The following KCNMA1 variants were observed in gnomAD, a reference collection of about 807,000 sequenced individuals.
KCNMA1 encodes the protein Calcium-activated potassium channel subunit alpha-1.
A neutral mutation model predicts 140.0 loss-of-function variants in KCNMA1; 29 were observed. The ratio of observed to expected loss-of-function variants is 0.21; its 90% CI spans 0.15 to 0.28. The LOEUF (loss-of-function observed/expected upper bound fraction) is 0.28. Ranked by LOEUF, KCNMA1 falls within the 10% of genes least tolerant of loss-of-function variation. The probability of loss-of-function intolerance (pLI) is 1.00; values close to 1 mark genes in which losing one functional copy is unlikely to be tolerated. For missense variants in KCNMA1, 880 were observed against 1,602.2 expected, an observed-to-expected ratio of 0.55 and a Z score of 7.70; for synonymous variants, 612 against 611.9, an observed-to-expected ratio of 1.00 and a Z score of 0.00.
At chr10:77,636,028 G>A in intron 1 of KCNMA1, 1 of 244,768 alleles carries the variant, frequency 4.1e-6, no homozygotes, top group Non-Finnish European at 7.4e-6. Context: ...CCCTGTAGAA[G>A]TTTGAGGGGT....
At chr10:76,947,895 G>T (rs2064716627) in intron 22 of KCNMA1, among the ~76,000 whole-genome samples, 1 of 152,178 alleles carries the variant, frequency 6.6e-6, no homozygotes, top group Non-Finnish European at 1.5e-5. Context: ...CCCCATTTCT[G>T]AGGTTTTGGA....
At chr10:77,631,971 A>C (rs1360229578) in intron 1 of KCNMA1, among the ~76,000 whole-genome samples, 1 of 152,222 alleles carries the variant, frequency 6.6e-6, no homozygotes, top group Non-Finnish European at 1.5e-5. Flanking sequence ...GCTGTGCTCT[A>C]TCACAGACCT....
chr10:76,909,468 A>G (rs2049181637), intron 25 of KCNMA1, among the ~76,000 whole-genome samples: 1 of 152,098 alleles, frequency 6.6e-6, no homozygotes, highest in Admixed American at 6.5e-5. Context: ...GTCCAAAACC[A>G]TGAAAATGTG....
chr10:77,517,051 A>T (rs1261343917), intron 1 of KCNMA1, among the ~76,000 whole-genome samples: 1 of 151,690 alleles, frequency 6.6e-6, no homozygotes, highest in African/African-American at 2.4e-5. Context: ...ATGTGCATGC[A>T]TGTGAACATG....
At chr10:77,469,250 C>T (rs140395019) in intron 1 of KCNMA1, among the ~76,000 whole-genome samples, 117 of 152,264 alleles carry the variant, frequency 7.7e-4, no homozygotes, top group African/African-American at 1.1e-3. Flanking sequence ...GAGATCCACA[C>T]GCCATCCAAG....
intron 1 of KCNMA1, among the ~76,000 whole-genome samples, chr10:77,616,754 C>A (rs999690377): frequency 6.6e-6 from 1 of 150,626 alleles, no homozygotes; most frequent in Non-Finnish European, 1.5e-5. Flanking sequence ...TGCAGTGAGC[C>A]GAGACTGCAC....
downstream of KCNMA1, among the ~76,000 whole-genome samples, chr10:76,881,850 G>C (rs1400457030): frequency 6.6e-6 from 1 of 152,130 alleles, no homozygotes; most frequent in East Asian, 1.9e-4. Flanking sequence ...GAAGGTAAAG[G>C]AGAGGAAGAG....
intron 1 of KCNMA1, among the ~76,000 whole-genome samples, chr10:77,590,644 G>A (rs2078836854): frequency 6.6e-6 from 1 of 152,278 alleles, no homozygotes. Flanking sequence ...CCACAGTGCA[G>A]CAGCGGTCTG....
At chr10:77,365,311 G>C (rs914878822) in intron 2 of KCNMA1, among the ~76,000 whole-genome samples, 1 of 152,170 alleles carries the variant, frequency 6.6e-6, no homozygotes, top group Non-Finnish European at 1.5e-5. Flanking sequence ...GGCAATTCAT[G>C]TGCATCCTCC....
chr10:77,196,303 G>C (rs1370790398), intron 3 of KCNMA1, among the ~76,000 whole-genome samples: 1 of 152,096 alleles, frequency 6.6e-6, no homozygotes, highest in Non-Finnish European at 1.5e-5. Context: ...GTGTTTTTCT[G>C]GGAAAGAGGA....
chr10:77,410,163 T>C (rs1369903075), intron 1 of KCNMA1, among the ~76,000 whole-genome samples: 1 of 152,156 alleles, frequency 6.6e-6, no homozygotes, highest in African/African-American at 2.4e-5. Context: ...GGTCCCCCGT[T>C]GTCACCCTGC....
intron 3 of KCNMA1, among the ~76,000 whole-genome samples, chr10:77,201,136 A>T (rs1004903136): frequency 3.9e-5 from 6 of 152,136 alleles, no homozygotes; most frequent in African/African-American, 1.4e-4. Context: ...GACAAGAGGA[A>T]AGATGCCATT....
At chr10:77,019,236 G>C (rs529270648) in intron 16 of KCNMA1, 137 bp from the exon 17 acceptor site, 2 of 675,582 alleles carry the variant, frequency 3.0e-6, no homozygotes, top group African/African-American at 3.6e-5. Context: ...ATTTTGTCCA[G>C]AGTCCAATGT....
At chr10:77,292,358 G>T (rs946632677) in intron 2 of KCNMA1, among the ~76,000 whole-genome samples, 1 of 152,222 alleles carries the variant, frequency 6.6e-6, no homozygotes, top group African/African-American at 2.4e-5. Context: ...CCTAGTATGT[G>T]TCAAGACAGC....
chr10:77,325,012 T>TGC (rs3068790), intron 2 of KCNMA1, among the ~76,000 whole-genome samples: 1 of 142,516 alleles, frequency 7.0e-6, no homozygotes, highest in African/African-American at 2.6e-5. Context: ...TGTGTGTGTG[T>TGC]CAGAGAAAGA....
intron 2 of KCNMA1, among the ~76,000 whole-genome samples, chr10:77,316,561 AG>A (rs2154350250): frequency 6.6e-6 from 1 of 152,276 alleles, no homozygotes; most frequent in South Asian, 2.1e-4. Flanking sequence ...TGCACCTCTA[AG>A]ATCCAGGTAA....
chr10:77,172,988 C>T (rs1183645917), intron 5 of KCNMA1, among the ~76,000 whole-genome samples: 3 of 152,140 alleles, frequency 2.0e-5, no homozygotes, highest in Admixed American at 6.5e-5. Flanking sequence ...GCTCCACCCT[C>T]ATGATCTAAT....
intron 2 of KCNMA1, among the ~76,000 whole-genome samples, chr10:77,401,888 C>T (rs1603472145): frequency 6.6e-6 from 1 of 152,208 alleles, no homozygotes; most frequent in African/African-American, 2.4e-5. Flanking sequence ...ACTCATAGCA[C>T]TTATCCTCCA....
chr10:77,269,569 G>A (rs1478486216), intron 2 of KCNMA1, among the ~76,000 whole-genome samples: 1 of 152,132 alleles, frequency 6.6e-6, no homozygotes, highest in Non-Finnish European at 1.5e-5. Flanking sequence ...GGGAAGACCA[G>A]GTATCAGTAT....
Sources: gnomAD v4.1 joint callset for allele counts (sites outside exome capture counted in the v4.1 genomes callset) on GRCh38, gnomAD v4.1.1 for gene constraint, MANE v1.5 for transcripts, NCBI Gene and HGNC (gene_info 2026-07-23, HGNC 2026-07-21) for gene names.